The following RAD54L variants were observed in gnomAD, a reference collection of about 807,000 sequenced individuals.
The protein encoded by RAD54L is DNA repair and recombination protein RAD54-like.
RAD54L carries 74 observed loss-of-function variants against 91.6 expected under a neutral mutation model. The observed-to-expected ratio is 0.81, with a 90% CI of 0.67 to 0.98. The LOEUF (loss-of-function observed/expected upper bound fraction) is 0.98. Among genes scored for constraint, RAD54L ranks in the 50% least tolerant of loss-of-function variants. The pLI is 0.00. For missense variants in RAD54L, 887 were observed against 945.7 expected, an observed-to-expected ratio of 0.94 and a Z score of 0.81; for synonymous variants, 304 against 349.7, an observed-to-expected ratio of 0.87 and a Z score of 1.46.
Position 46,260,903 on chromosome 1 carries a change from G to T in RAD54L, c.654G>T (p.Ser218=). The T allele has an allele frequency of 3.1e-6, 5 of 1,614,196 alleles. No homozygotes were observed. The highest frequency in any genetic ancestry group is 4.2e-6 in the Non-Finnish European group (5 of 1,180,038). The change falls in exon 7 of 18, where the codon TCG becomes TCT. Residue 218 remains serine (S), a synonymous_variant. Transcript: ENST00000371975. The part of the protein sequence containing the change: ...KPEIDKAVVV[S]PSSLVKNWYN... The stretch of plus-strand genomic sequence containing the variant: ...AAATTGACAAGGCAGTGGTGGTGTC[G>T]CCTTCCAGCCTGGTGAAGAACTGGT...
chr1:46,268,519 TCAG>T (rs1414043402), intron 9 of RAD54L, among the ~76,000 whole-genome samples: 2 of 152,326 alleles, frequency 1.3e-5, no homozygotes, highest in East Asian at 3.8e-4. Context: ...TAACACTCTC[TCAG>T]CAGCCCCTTT....
Position 46,267,412 on chromosome 1 carries a change from C to T in RAD54L, c.892-47C>T, listed in dbSNP as rs182039451. 382 of 1,611,780 alleles carry T rather than the reference C, an allele frequency of 2.4e-4. 1 individual carries two copies. Among genetic ancestry groups the T allele is most frequent in the South Asian group, 6.5e-4 (59 of 90,970 alleles). ...TCCTGTCTACATGAGACTTTGCTAC[C>T]GTATAGGGAATGCCACATTGCGCTC... is the stretch of plus-strand genomic sequence containing the variant. On this transcript the variant is annotated intron_variant, in intron 8 of 17. Transcript: ENST00000371975.
At chr1:46,268,648 C>T (rs1428537108) in intron 9 of RAD54L, among the ~76,000 whole-genome samples, 1 of 152,200 alleles carries the variant, frequency 6.6e-6, no homozygotes. Context: ...TATTCCTTTA[C>T]ATCTGGTTTC....
At chr1:46,270,573 T>C in intron 9 of RAD54L, 86 bp from the exon 10 acceptor site, 4 of 1,563,560 alleles carry the variant, frequency 2.6e-6, no homozygotes, top group Non-Finnish European at 3.5e-6. Context: ...GAAGGCTGGT[T>C]TGTGAGAAGG....
At chr1:46,277,563 T>G in intron 16 of RAD54L, 1 of 530,542 alleles carries the variant, frequency 1.9e-6, no homozygotes, top group Non-Finnish European at 3.4e-6. Context: ...CCTGACGGGA[T>G]TTAGCCAGGC....
Position 46,257,164 on chromosome 1 carries a change from C to A in RAD54L, c.211-1522C>A, listed in dbSNP as rs867882719. ...ATCTCAAAAAAAAAAAAAAAAAAAA[C>A]CCCAAAAAACAAATAAAGTACATTT... On this transcript the variant is annotated intron_variant, in intron 3 of 17. Coordinates refer to ENST00000371975, the MANE Select transcript of RAD54L (RefSeq NM_003579.4). Among the ~76,000 whole-genome samples the A allele has an allele frequency of 1.8e-3, 262 of 144,170 alleles. No homozygotes were observed. The East Asian group carries it at 0.021, about 11-fold the overall frequency. 94.6% of individuals were successfully genotyped at this position (144,170 alleles called of 152,430 possible).
intron 7 of RAD54L, 96 bp downstream of exon 7, chr1:46,261,111 G>T: frequency 6.5e-7 from 1 of 1,546,058 alleles, no homozygotes. Flanking sequence ...GGGCAATGCA[G>T]GGGTAGAAGA....
Position 46,272,751 on chromosome 1 carries a change from A to G in RAD54L, c.1324A>G (p.Met442Val), listed in dbSNP as rs1660470584. 5.0e-6 allele frequency: 8 copies of G among 1,614,182 alleles called. No individual in the cohort carries two copies. Among genetic ancestry groups the G allele is most frequent in the Non-Finnish European group, 6.8e-6 (8 of 1,180,012 alleles). ...GGCAGAAGAATTGCTTGAGGGCAAG[A>G]TGAGTGTGTCTTCCCTTTCTTCCAT... ...KPAEELLEGK[M>V]SVSSLSSITS... The change falls in exon 12 of 18, where the codon ATG becomes GTG. Residue 442 changes from methionine (M) to valine (V), a missense_variant. Transcript: ENST00000371975.
At chr1:46,259,839 C>T (rs1160717794) in intron 4 of RAD54L, 125 bp from the exon 5 acceptor site, 1 of 1,267,942 alleles carries the variant, frequency 7.9e-7, no homozygotes, top group Admixed American at 1.7e-5. Flanking sequence ...AGTTTGGAGG[C>T]ATTCTCAGAG....
rs1660472260 is a variant in RAD54L at position 46,272,778 on chromosome 1, A to G, written c.1351A>G (p.Thr451Ala). 6.2e-7 allele frequency: 1 copy of G among 1,613,840 alleles called. No individual in the cohort carries two copies. The highest frequency in any genetic ancestry group is 8.5e-7 in the Non-Finnish European group (1 of 1,180,012). ...GAGTGTGTCTTCCCTTTCTTCCATC[A>G]CCTCGCTAAAGAAGCTTTGTAATCG... Reference protein sequence around the residue: ...KMSVSSLSSITSLKKLCNHPA... With the variant: ...KMSVSSLSSIASLKKLCNHPA... The change falls in exon 12 of 18, where the codon ACC (threonine) becomes GCC (alanine). Residue 451 changes from threonine to alanine, a missense_variant. Transcript: ENST00000371975.
At position 46,273,699 on chromosome 1, in the gene RAD54L, A is replaced by T; in HGVS notation, c.1562A>T (p.Asn521Ile). The change falls in exon 14 of 18, where the codon AAT becomes ATT. Residue 521 changes from asparagine (N) to isoleucine (I), a missense_variant. Asn to Ile is a moderately radical substitution (Grantham distance 149). Transcript: ENST00000371975. ...AGTGACAAAGTAGTGCTGGTGTCGA[A>T]TTACACCCAGACTTTGGATCTCTTT... ...RSSDKVVLVS[N>I]YTQTLDLFEK... is the part of the protein sequence containing the mutation. 1.2e-6 allele frequency: 2 copies of T among 1,613,506 alleles called. No homozygotes were observed. Among genetic ancestry groups the T allele is most frequent in the South Asian group, 2.2e-5 (2 of 90,948 alleles).
rs61457846 is a variant in RAD54L, at chr1:46,267,687, G to A, written c.1042+78G>A. On this transcript the variant is annotated intron_variant, in intron 9 of 17. Transcript: ENST00000371975. ...GGGAGTATAACTCCAGCTGAGGAGAGAAAGAAGAGAATGCTAGTTATATGT... is the reference window on the plus strand; with the variant it reads ...GGGAGTATAACTCCAGCTGAGGAGAAAAAGAAGAGAATGCTAGTTATATGT... The A allele has an allele frequency of 2.8e-3, 4,240 of 1,509,092 alleles. 60 individuals carry two copies. Among genetic ancestry groups the A allele is most frequent in the African/African-American group, 0.024 (1,739 of 72,686 alleles). The allele number at this position is 1,509,092 out of a possible 1,614,324, so 93.5% of individuals were successfully genotyped here.
Position 46,248,283 on chromosome 1 carries a change from C to G in RAD54L, c.-123C>G. 2.4e-6 allele frequency: 3 copies of G among 1,259,134 alleles called. No individual in the cohort carries two copies. Among genetic ancestry groups the G allele is most frequent in the Non-Finnish European group, 3.4e-6 (3 of 874,722 alleles). The allele number at this position is 1,259,134 out of a possible 1,614,324, so 78.0% of individuals were successfully genotyped here. A position where few individuals can be genotyped will look rare whatever the true frequency, so the allele number is the denominator to read the frequency against. ...CATCCATGCCCCCTCTTTAATTAGC[C>G]GGTCCTCTCAATAATGTAGCAGCCC... On this transcript the variant is annotated 5_prime_UTR_variant, in exon 1 of 18. Coordinates refer to ENST00000371975, the MANE Select transcript of RAD54L (RefSeq NM_003579.4).
chr1:46,263,552 G>A lies in RAD54L; in HGVS notation c.891+2167G>A, dbSNP rs879769067. ...TTGCTTTTGGGTACCATGCTTTCTAGTTGTGAGCTATTTTCTGGTCAGTCA... is the reference window on the plus strand; with the variant it reads ...TTGCTTTTGGGTACCATGCTTTCTAATTGTGAGCTATTTTCTGGTCAGTCA... On this transcript the variant is annotated intron_variant, in intron 8 of 17. Coordinates refer to ENST00000371975, the MANE Select transcript of RAD54L (RefSeq NM_003579.4). The surrounding 1 kb of genome is among the most constrained non-coding windows in gnomAD (Gnocchi z 4.3). Among the ~76,000 whole-genome samples, 2 of 152,188 alleles carry A rather than the reference G, an allele frequency of 1.3e-5. No homozygotes were observed. The highest frequency in any genetic ancestry group is 2.9e-5 in the Non-Finnish European group (2 of 68,040).
intron 3 of RAD54L, among the ~76,000 whole-genome samples, chr1:46,250,968 C>CA (rs538894200): frequency 0.073 from 7,862 of 107,654 alleles, 307 homozygotes; most frequent in African/African-American, 0.13. Context: ...GACTCGGTCT[C>CA]AAAAAAAAAA....
chr1:46,267,374 T>C lies in RAD54L; in HGVS notation c.892-85T>C, dbSNP rs149179334. The C allele has an allele frequency of 1.8e-3, 2,915 of 1,591,930 alleles. 35 individuals are homozygous for C. The highest frequency in any genetic ancestry group is 2.4e-3 in the East Asian group (106 of 44,758). On this transcript the variant is annotated intron_variant, in intron 8 of 17. Coordinates refer to ENST00000371975, the MANE Select transcript of RAD54L (RefSeq NM_003579.4). ...CCACGGCGCCCGGCCTGGAATGTTT[T>C]TGACTCCTCTTTTCCTGTCTACATG...
rs376957989 is a variant in RAD54L at position 46,272,432 on chromosome 1, C to T, written c.1170-34C>T. On this transcript the variant is annotated intron_variant, in intron 10 of 17. Coordinates refer to ENST00000371975, the MANE Select transcript of RAD54L (RefSeq NM_003579.4). Reference sequence around the variant, plus strand: ...TCCAGTAGTTAGCATGGCAATTTTACCAGCCTCTTGCCTTTTTATCCTGTT... The same window carrying T: ...TCCAGTAGTTAGCATGGCAATTTTATCAGCCTCTTGCCTTTTTATCCTGTT... 6.5e-6 allele frequency: 10 copies of T among 1,542,580 alleles called. No homozygotes were observed. In the African/African-American group the frequency reaches 1.2e-4, roughly 19 times the overall value.
chr1:46,261,062 T>G, intron 7 of RAD54L, 47 bp downstream of exon 7: 1 of 1,599,136 alleles, frequency 6.3e-7, no homozygotes, highest in Non-Finnish European at 8.5e-7. Flanking sequence ...CACAGCCTGC[T>G]GCTTTCTTAC....
chr1:46,267,701 C>G (rs1454933113), intron 9 of RAD54L, 92 bp downstream of exon 9: 2 of 1,476,990 alleles, frequency 1.4e-6, no homozygotes, highest in African/African-American at 2.8e-5. Context: ...GAAGAGAATG[C>G]TAGTTATATG....
Sources: gnomAD v4.1 joint callset for allele counts (sites outside exome capture counted in the v4.1 genomes callset) on GRCh38, gnomAD v4.1.1 for gene constraint, Gnocchi (gnomAD v3.1) non-coding constraint, MANE v1.5 for transcripts, NCBI Gene and HGNC (gene_info 2026-07-23, HGNC 2026-07-21) for gene names.